ANXA2: variants seen among roughly 807,000 people sequenced by gnomAD.
ANXA2 encodes annexin II.
Under a neutral mutation model 47.3 loss-of-function variants are expected in ANXA2, and 28 were observed. The ratio of observed to expected loss-of-function variants is 0.59; its 90% CI spans 0.44 to 0.81. ANXA2 has a LOEUF of 0.81. ANXA2 is among the 40% of genes least tolerant of loss of function. ANXA2 has a pLI of 0.00. For synonymous variants in ANXA2, 172 were observed against 155.5 expected, an observed-to-expected ratio of 1.11 and a Z score of -0.79; for missense variants, 384 against 414.3, an observed-to-expected ratio of 0.93 and a Z score of 0.64.
At chr15:60,354,111 T>G in intron 8 of ANXA2, 43 bp downstream of exon 8, 1 of 1,564,640 alleles carries the variant, frequency 6.4e-7, no homozygotes, top group Middle Eastern at 1.8e-4. Context: ...ATCCAGAGAC[T>G]TACCAGAAAA....
chr15:60,359,536 G>A (rs1309568743), intron 5 of ANXA2, among the ~76,000 whole-genome samples: 3 of 152,198 alleles, frequency 2.0e-5, no homozygotes, highest in African/African-American at 4.8e-5. Context: ...AGACAAGTCC[G>A]CTAAAATAAA....
At chr15:60,391,530 T>C (rs1012140167) in intron 1 of ANXA2, among the ~76,000 whole-genome samples, 4 of 152,134 alleles carry the variant, frequency 2.6e-5, no homozygotes, top group African/African-American at 9.7e-5. Flanking sequence ...TGGTGCAAAG[T>C]TAAGCTTGCC....
intron 3 of ANXA2, among the ~76,000 whole-genome samples, chr15:60,377,447 C>G (rs113445756): frequency 0.013 from 2,054 of 152,248 alleles, 53 homozygotes; most frequent in African/African-American, 0.047. Context: ...CCCACAATTC[C>G]ATATACAGGC....
intron 11 of ANXA2, 41 bp downstream of exon 11, chr15:60,351,152 C>T: frequency 6.2e-7 from 1 of 1,606,252 alleles, no homozygotes; most frequent in South Asian, 1.1e-5. Flanking sequence ...AGAAGAAAAG[C>T]TGAGTGTGGA....
intron 4 of ANXA2, among the ~76,000 whole-genome samples, chr15:60,363,825 A>C (rs1229668304): frequency 6.6e-6 from 1 of 152,228 alleles, no homozygotes; most frequent in Non-Finnish European, 1.5e-5. Context: ...TAGGATCAAC[A>C]CTCAGTGGAG....
intron 1 of ANXA2, among the ~76,000 whole-genome samples, chr15:60,396,631 TA>T (rs1340085088): frequency 6.6e-6 from 1 of 152,172 alleles, no homozygotes; most frequent in Admixed American, 6.5e-5. Flanking sequence ...CAGTGCATGT[TA>T]AAAAGGTCTT....
intron 3 of ANXA2, among the ~76,000 whole-genome samples, chr15:60,376,868 G>C (rs1349994960): frequency 6.6e-6 from 1 of 152,326 alleles, no homozygotes; most frequent in African/African-American, 2.4e-5. Flanking sequence ...AAGGTGGCCT[G>C]CTCCCAGCTC....
chr15:60,389,221 C>G (rs1019447390), intron 1 of ANXA2, among the ~76,000 whole-genome samples: 6 of 152,138 alleles, frequency 3.9e-5, no homozygotes, highest in Admixed American at 1.3e-4. Flanking sequence ...TAAAAAATGC[C>G]AAACGTAAAA....
chr15:60,394,076 C>T (rs1055753611), intron 1 of ANXA2, among the ~76,000 whole-genome samples: 5 of 152,142 alleles, frequency 3.3e-5, no homozygotes, highest in Admixed American at 2.6e-4. Context: ...TCAGGGCAGC[C>T]TCTTATCAAC....
In ANXA2 at chr15:60,352,167, G is replaced by C. The variant is rs1225354689; in HGVS notation, c.682+216C>G. 6.6e-6 allele frequency among the ~76,000 whole-genome samples: 1 copy of C among 152,176 alleles called. No homozygotes were observed. The highest frequency in any genetic ancestry group is 6.5e-5 in the Admixed American group (1 of 15,282). On this transcript the variant is annotated intron_variant, in intron 9 of 12. Transcript: ENST00000451270. The surrounding 1 kb of genome is among the most constrained non-coding windows in gnomAD (Gnocchi z 4.2). The stretch of plus-strand genomic sequence containing the variant: ...GCAAGACCAAATGATCATCAAACAA[G>C]AAGGAGCTGCAGAATAAAGCACCAA...
intron 1 of ANXA2, among the ~76,000 whole-genome samples, chr15:60,392,406 TA>T (rs56146858): frequency 0.79 from 117,276 of 147,820 alleles, 46,707 homozygotes; most frequent in East Asian, 1. Context: ...TTGTCCTTAT[TA>T]AAAAAAAAAA....
chr15:60,381,900 A>G (rs559818081), intron 3 of ANXA2, among the ~76,000 whole-genome samples: 50 of 152,110 alleles, frequency 3.3e-4, no homozygotes, highest in Non-Finnish European at 5.7e-4. Context: ...ACCCAAAAGC[A>G]TACCCCTAGG....
chr15:60,368,788 G>A (rs540650273), intron 3 of ANXA2, among the ~76,000 whole-genome samples: 28 of 152,244 alleles, frequency 1.8e-4, no homozygotes, highest in Non-Finnish European at 2.4e-4. Flanking sequence ...TGAGTGGCAG[G>A]CAGTCATTGC....
intron 3 of ANXA2, among the ~76,000 whole-genome samples, chr15:60,364,726 C>A (rs1166818520): frequency 1.3e-5 from 2 of 152,100 alleles, no homozygotes; most frequent in Non-Finnish European, 2.9e-5. Context: ...TTCTTGAGAG[C>A]CTCAAACCTC....
chr15:60,351,782 C>G lies in ANXA2; in HGVS notation c.720G>C (p.Met240Ile), dbSNP rs776413720. The change falls in exon 10 of 13, where the codon ATG (methionine) becomes ATC (isoleucine). Residue 240 changes from methionine to isoleucine, a missense_variant. Coordinates refer to ENST00000451270, the MANE Select transcript of ANXA2 (RefSeq NM_004039.3). ...TAACCTCTTTCCTGATGCTTTCCAACATGTCATAAGGGCTGTAACTCTTGT... is the reference window on the plus strand; with the variant it reads ...TAACCTCTTTCCTGATGCTTTCCAAGATGTCATAAGGGCTGTAACTCTTGT... ...DRYKSYSPYD[M>I]LESIRKEVKG... 4 of 1,613,718 alleles carry G rather than the reference C, an allele frequency of 2.5e-6. No homozygotes were observed. The Admixed American group carries it at 6.7e-5, about 27-fold the overall frequency.
intron 5 of ANXA2, among the ~76,000 whole-genome samples, chr15:60,358,608 C>G (rs1274093527): frequency 1.3e-5 from 2 of 152,138 alleles, no homozygotes. Flanking sequence ...TTCATCTAAC[C>G]TTTGAGCCAA....
chr15:60,396,931 G>A (rs916761533), intron 1 of ANXA2, among the ~76,000 whole-genome samples: 4 of 152,196 alleles, frequency 2.6e-5, no homozygotes, highest in Non-Finnish European at 5.9e-5. Context: ...CATTTGCACA[G>A]CACTTTGTTT....
At chr15:60,391,954 T>TCAGTGC (rs2063017265) in intron 1 of ANXA2, among the ~76,000 whole-genome samples, 2 of 151,762 alleles carry the variant, frequency 1.3e-5, no homozygotes, top group South Asian at 4.2e-4. Flanking sequence ...TACATACACA[T>TCAGTGC]CAGTGCCGTG....
At chr15:60,394,975 T>C (rs528813302) in intron 1 of ANXA2, among the ~76,000 whole-genome samples, 64 of 151,334 alleles carry the variant, frequency 4.2e-4, no homozygotes, top group Non-Finnish European at 8.5e-4. Context: ...CCAGGGCAAG[T>C]GAAGAGGATT....
Sources: gnomAD v4.1 joint callset for allele counts (sites outside exome capture counted in the v4.1 genomes callset) on GRCh38, gnomAD v4.1.1 for gene constraint, Gnocchi (gnomAD v3.1) non-coding constraint, MANE v1.5 for transcripts, NCBI Gene and HGNC (gene_info 2026-07-23, HGNC 2026-07-21) for gene names.